Variants in STARD13 observed in about 807,000 individuals in gnomAD.
STARD13 encodes the protein StAR related lipid transfer domain containing 13, also known as stAR-related lipid transfer protein 13.
Under a neutral mutation model 106.4 loss-of-function variants are expected in STARD13, and 62 were observed. The ratio of observed to expected loss-of-function variants is 0.58; its 90% confidence interval spans 0.48 to 0.72. The LOEUF (loss-of-function observed/expected upper bound fraction) is 0.72. Among genes scored for constraint, STARD13 ranks in the 30% least tolerant of loss-of-function variants. STARD13 has a pLI of 0.00. For missense variants in STARD13, 1,387 were observed against 1,424.0 expected (o/e 0.97, Z 0.42); for synonymous variants, 565 against 553.0 (o/e 1.02, Z -0.31).
intron 8 of STARD13, chr13:33,113,323 A>T (rs1874889962): frequency 2.7e-6 from 1 of 367,550 alleles, no homozygotes; most frequent in Admixed American, 3.6e-5. Flanking sequence ...TCCCTGACAG[A>T]CAGCTTGGGA....
At chr13:33,393,786 T>G in the STARD13 span, among the ~76,000 whole-genome samples, 1 of 152,238 alleles carries the variant, frequency 6.6e-6, no homozygotes, top group Non-Finnish European at 1.5e-5. Context: ...ATTAAATAAC[T>G]TGACCAAGGT....
At chr13:33,553,239 A>T in the STARD13 span, among the ~76,000 whole-genome samples, 6 of 152,096 alleles carry the variant, frequency 3.9e-5, no homozygotes, top group African/African-American at 1.4e-4. Context: ...TCGTAAATGT[A>T]CAAAATTGGA....
intron 7 of STARD13, among the ~76,000 whole-genome samples, chr13:33,119,036 T>G (rs1875839510): frequency 6.6e-6 from 1 of 151,970 alleles, no homozygotes; most frequent in East Asian, 1.9e-4. Flanking sequence ...GATGAATAAA[T>G]GGAGCATTAA....
chr13:33,468,508 G>T, the STARD13 span, among the ~76,000 whole-genome samples: 1 of 152,116 alleles, frequency 6.6e-6, no homozygotes, highest in Admixed American at 6.5e-5. Context: ...CCATTATCAT[G>T]GTAGTGTGTT....
At chr13:33,532,016 T>C in the STARD13 span, among the ~76,000 whole-genome samples, 5 of 152,194 alleles carry the variant, frequency 3.3e-5, no homozygotes, top group Non-Finnish European at 7.3e-5. Flanking sequence ...AGTGATTATA[T>C]ACTATTTTCT....
the STARD13 span, among the ~76,000 whole-genome samples, chr13:33,412,036 G>A: frequency 6.6e-6 from 1 of 152,176 alleles, no homozygotes; most frequent in African/African-American, 2.4e-5. Context: ...AAAAATATGG[G>A]TAAATATGAT....
chr13:33,364,725 T>C, the STARD13 span, among the ~76,000 whole-genome samples: 3 of 152,070 alleles, frequency 2.0e-5, no homozygotes, highest in Non-Finnish European at 4.4e-5. Context: ...CCGTCTGTAC[T>C]AAAAATACAG....
At chr13:33,471,096 T>C in the STARD13 span, among the ~76,000 whole-genome samples, 31 of 152,348 alleles carry the variant, frequency 2.0e-4, no homozygotes, top group Middle Eastern at 6.8e-3. Flanking sequence ...GAATTAATTT[T>C]TGTATAAGGT....
At chr13:33,650,326 G>A in the STARD13 span, among the ~76,000 whole-genome samples, 150 of 148,214 alleles carry the variant, frequency 1.0e-3, 1 homozygote, top group African/African-American at 3.6e-3. Flanking sequence ...AAGTAGCTGG[G>A]ACTACAGGCG....
chr13:33,345,433 C>T (rs537131767), downstream of STARD13, among the ~76,000 whole-genome samples: 67 of 152,234 alleles, frequency 4.4e-4, no homozygotes, highest in Middle Eastern at 3.4e-3. Context: ...AGGGAGGAGG[C>T]CATGTGGTAC....
At chr13:33,410,167 T>C in the STARD13 span, among the ~76,000 whole-genome samples, 1 of 152,240 alleles carries the variant, frequency 6.6e-6, no homozygotes, top group Non-Finnish European at 1.5e-5. Flanking sequence ...TGTGTGTGCC[T>C]CTCCTTTGTA....
At chr13:33,302,840 A>G (rs1346231908) in intron 1 of STARD13, among the ~76,000 whole-genome samples, 1 of 152,196 alleles carries the variant, frequency 6.6e-6, no homozygotes, top group Non-Finnish European at 1.5e-5. Context: ...AATCTCCTAA[A>G]GTATAGTTCT....
chr13:33,667,958 G>A, the STARD13 span, among the ~76,000 whole-genome samples: 9 of 152,190 alleles, frequency 5.9e-5, no homozygotes, highest in Admixed American at 1.3e-4. Context: ...ATCAAATGTA[G>A]CCAACTGTTT....
At chr13:33,439,648 C>CT in the STARD13 span, 1 of 1,151,812 alleles carries the variant, frequency 8.7e-7, no homozygotes, top group African/African-American at 1.6e-5. Flanking sequence ...CTCCAAACAA[C>CT]TTTTATACAT....
chr13:33,198,138 G>A (rs1886770862), intron 1 of STARD13, among the ~76,000 whole-genome samples: 5 of 152,186 alleles, frequency 3.3e-5, no homozygotes, highest in South Asian at 2.1e-4. Flanking sequence ...ACTGCACTCC[G>A]GCCTGGGCCA....
chr13:33,321,860 C>T (rs1425939310), intron 1 of STARD13, among the ~76,000 whole-genome samples: 1 of 152,182 alleles, frequency 6.6e-6, no homozygotes, highest in Non-Finnish European at 1.5e-5. Context: ...ATTCTTTCAG[C>T]ACTTACACAC....
intron 4 of STARD13, among the ~76,000 whole-genome samples, chr13:33,133,140 A>G (rs771220900): frequency 5.9e-5 from 9 of 152,202 alleles, no homozygotes; most frequent in Non-Finnish European, 8.8e-5. Context: ...GTTGGCCCCA[A>G]CTACCTCTCT....
the STARD13 span, among the ~76,000 whole-genome samples, chr13:33,394,548 T>C: frequency 6.6e-6 from 1 of 152,170 alleles, no homozygotes; most frequent in Non-Finnish European, 1.5e-5. Context: ...TAGGGGACAG[T>C]CACATTATCT....
chr13:33,554,372 T>C, the STARD13 span, among the ~76,000 whole-genome samples: 1 of 152,214 alleles, frequency 6.6e-6, no homozygotes, highest in Non-Finnish European at 1.5e-5. Flanking sequence ...CTGATTCGCA[T>C]AGAGGGCTTG....
Sources: gnomAD v4.1 joint callset for allele counts (sites outside exome capture counted in the v4.1 genomes callset) on GRCh38, gnomAD v4.1.1 for gene constraint, MANE v1.5 for transcripts, NCBI Gene and HGNC (gene_info 2026-07-23, HGNC 2026-07-21) for gene names.